Variants in TMEM30A observed in about 807,000 individuals in gnomAD.
TMEM30A encodes the protein cell division cycle 50 P4-ATPase accessory subunit A, also known as cell cycle control protein 50A.
In TMEM30A, 24 loss-of-function variants were observed where a neutral mutation model predicts 38.2. The observed-to-expected ratio is 0.63, with a 90% CI of 0.46 to 0.88. The LOEUF is 0.88. TMEM30A is among the 40% of genes least tolerant of loss of function. The pLI is 0.00. For missense variants in TMEM30A, 370 were observed against 458.6 expected (o/e 0.81, Z 1.77); for synonymous variants, 145 against 161.6 (o/e 0.90, Z 0.78).
In TMEM30A at chr6:75,256,277, A is replaced by G. The variant is rs1319049199; in HGVS notation, c.911T>C (p.Phe304Ser). The G allele has an allele frequency of 6.2e-7, 1 of 1,613,300 alleles. No homozygotes were observed. The highest frequency in any genetic ancestry group is 1.1e-5 in the South Asian group (1 of 91,026). The stretch of plus-strand genomic sequence containing the variant: ...CAAGATCATCCGTTTTCGTCCATCA[A>G]AATAATGTACAGGGTAATCTGAAGA... Reference protein sequence around the residue: ...NVTYNYPVHYFDGRKRMILST... With the variant: ...NVTYNYPVHYSDGRKRMILST... Residue 304 changes from phenylalanine to serine, a missense_variant, in exon 7 of 7, where the codon TTT becomes TCT. Physicochemically the swap from Phe to Ser is radical, Grantham distance 155. Transcript: ENST00000230461.
intron 1 of TMEM30A, among the ~76,000 whole-genome samples, chr6:75,277,781 C>T (rs72881981): frequency 1.3e-5 from 2 of 152,188 alleles, no homozygotes; most frequent in African/African-American, 2.4e-5. Context: ...TGGCATGCAC[C>T]TATAGTCCTA....
intron 1 of TMEM30A, chr6:75,272,975 T>C (rs971827215): frequency 9.2e-5 from 14 of 152,384 alleles, no homozygotes; most frequent in African/African-American, 2.9e-4. Context: ...AAAGAGTGGA[T>C]GTGATTAAAT....
chr6:75,276,194 T>C (rs1174665165), intron 1 of TMEM30A, among the ~76,000 whole-genome samples: 1 of 152,242 alleles, frequency 6.6e-6, no homozygotes, highest in East Asian at 1.9e-4. Flanking sequence ...CATCTCCTTT[T>C]ACATCTCTTC....
At chr6:75,259,529 T>TA in intron 4 of TMEM30A, 39 bp from the exon 5 acceptor site, 1 of 1,539,194 alleles carries the variant, frequency 6.5e-7, no homozygotes, top group South Asian at 1.3e-5. Context: ...AACTATCTCT[T>TA]GAAAACTCAT....
intron 6 of TMEM30A, among the ~76,000 whole-genome samples, chr6:75,257,700 T>A (rs182595268): frequency 6.6e-6 from 1 of 152,266 alleles, no homozygotes; most frequent in Non-Finnish European, 1.5e-5. Flanking sequence ...CAGGCCATAT[T>A]TACTTGTGTA....
chr6:75,276,090 G>C (rs1772254935), intron 1 of TMEM30A, among the ~76,000 whole-genome samples: 1 of 152,180 alleles, frequency 6.6e-6, no homozygotes, highest in Admixed American at 6.5e-5. Context: ...CAAAAAGACA[G>C]GGTTCAGAGA....
At chr6:75,275,659 T>C (rs573659248) in intron 1 of TMEM30A, among the ~76,000 whole-genome samples, 55 of 152,342 alleles carry the variant, frequency 3.6e-4, no homozygotes, top group African/African-American at 9.4e-4. Context: ...ATAAATATAT[T>C]CTATATCTAA....
chr6:75,262,749 A>G (rs74558008), intron 3 of TMEM30A, among the ~76,000 whole-genome samples: 4,662 of 152,352 alleles, frequency 0.031, 122 homozygotes, highest in East Asian at 0.093. Context: ...AGAAAAACGA[A>G]AAGAATACAA....
At chr6:75,259,265 T>A in intron 5 of TMEM30A, 82 bp downstream of exon 5, 7 of 1,452,042 alleles carry the variant, frequency 4.8e-6, no homozygotes, top group Non-Finnish European at 6.5e-6. Flanking sequence ...AGCATAACTT[T>A]AAGATTCTGA....
At chr6:75,270,048 C>T (rs144727797) in intron 1 of TMEM30A, among the ~76,000 whole-genome samples, 34 of 152,272 alleles carry the variant, frequency 2.2e-4, no homozygotes, top group Non-Finnish European at 4.4e-4. Context: ...TCGTGATCCA[C>T]CTGCCTTGGC....
At chr6:75,273,419 C>T (rs147492996) in intron 1 of TMEM30A, among the ~76,000 whole-genome samples, 29 of 151,670 alleles carry the variant, frequency 1.9e-4, no homozygotes, top group African/African-American at 7.0e-4. Flanking sequence ...CAGCCTAGCA[C>T]CTGACCTCCT....
chr6:75,280,685 C>T (rs1294050660), intron 1 of TMEM30A, among the ~76,000 whole-genome samples: 2 of 152,052 alleles, frequency 1.3e-5, no homozygotes, highest in African/African-American at 4.8e-5. Context: ...ACTAACATTA[C>T]TTGAGAAACA....
chr6:75,254,534 CAT>C lies in TMEM30A; in HGVS notation c.*1566_*1567del, dbSNP rs1160372534. 1 of 152,056 alleles carries C rather than the reference CAT, an allele frequency of 6.6e-6. No individual in the cohort carries two copies. The highest frequency in any genetic ancestry group is 1.5e-5 in the Non-Finnish European group (1 of 67,970). The allele number at this position is 152,056 out of a possible 1,614,324, so 9.4% of individuals were successfully genotyped here. ...AACACACATTCTTTTAACTGAATTT[CAT>C]ATGTTATATAAAACTTGAAAAGTGT... is the stretch of plus-strand genomic sequence containing the variant. On this transcript the variant is annotated 3_prime_UTR_variant, in exon 7 of 7. Coordinates refer to ENST00000230461, the MANE Select transcript of TMEM30A (RefSeq NM_018247.4).
intron 1 of TMEM30A, among the ~76,000 whole-genome samples, chr6:75,280,381 C>G (rs1772336734): frequency 6.6e-6 from 1 of 151,918 alleles, no homozygotes; most frequent in Non-Finnish European, 1.5e-5. Flanking sequence ...AAGCATGGTC[C>G]AAGATATTAG....
intron 1 of TMEM30A, among the ~76,000 whole-genome samples, chr6:75,280,833 TC>T (rs1772344728): frequency 6.6e-6 from 1 of 152,128 alleles, no homozygotes; most frequent in African/African-American, 2.4e-5. Context: ...AACTTATTCT[TC>T]CCTGACTCTT....
intron 2 of TMEM30A, among the ~76,000 whole-genome samples, chr6:75,266,096 G>C (rs1283810736): frequency 6.6e-6 from 1 of 152,158 alleles, no homozygotes; most frequent in Non-Finnish European, 1.5e-5. Context: ...TTATTTAGAA[G>C]ATGCTAAGAA....
At chr6:75,260,420 G>T (rs1771945126) in intron 4 of TMEM30A, among the ~76,000 whole-genome samples, 1 of 148,930 alleles carries the variant, frequency 6.7e-6, no homozygotes, top group South Asian at 2.2e-4. Context: ...AAAGAAAAAG[G>T]AAAAAAAAAA....
At position 75,284,567 on chromosome 6, in the gene TMEM30A, C is replaced by T. The variant is rs767593975; in HGVS notation, c.72G>A (p.Lys24=). 6.2e-7 allele frequency: 1 copy of T among 1,613,270 alleles called. No homozygotes were observed. The highest frequency in any genetic ancestry group is 8.5e-7 in the Non-Finnish European group (1 of 1,179,594). The part of the protein sequence containing the change: ...GPPCAPGGTA[K]TRRPDNTAFK... ...AGGCCGTGTTATCCGGTCTCCGAGT[C>T]TTCGCGGTGCCCCCCGGAGCACACG... Residue 24 remains lysine, a synonymous_variant, in exon 1 of 7, where the codon AAG becomes AAA. Transcript: ENST00000230461.
At chr6:75,274,372 A>C (rs1182231979) in intron 1 of TMEM30A, among the ~76,000 whole-genome samples, 2 of 152,232 alleles carry the variant, frequency 1.3e-5, no homozygotes, top group Admixed American at 1.3e-4. Context: ...AATGCTAGAC[A>C]GAAACAGCCA....
Sources: allele counts gnomAD v4.1 joint callset (sites outside exome capture counted in the v4.1 genomes callset), GRCh38; gene constraint gnomAD v4.1.1; transcripts MANE v1.5; gene names NCBI Gene and HGNC (gene_info 2026-07-23, HGNC 2026-07-21).